Variants in TNS3 observed in about 807,000 individuals in gnomAD.
TNS3 encodes the protein tensin 3, also known as tensin-3.
A neutral mutation model predicts 140.9 loss-of-function variants in TNS3; 45 were observed. The observed-to-expected ratio is 0.32, with a 90% CI of 0.25 to 0.41. TNS3 has a LOEUF of 0.41. Among genes scored for constraint, TNS3 ranks in the 10% least tolerant of loss-of-function variants. The pLI is 1.00. For missense variants in TNS3, 1,716 were observed against 1,906.7 expected, an observed-to-expected ratio of 0.90 and a Z score of 1.86; for synonymous variants, 815 against 788.4, an observed-to-expected ratio of 1.03 and a Z score of -0.56.
At chr7:47,286,658 G>A (rs527848011) in intron 27 of TNS3, among the ~76,000 whole-genome samples, 8 of 152,144 alleles carry the variant, frequency 5.3e-5, no homozygotes, top group African/African-American at 1.7e-4. Flanking sequence ...CCACATGTGG[G>A]AATTTGTCCT....
At chr7:47,430,135 T>C (rs1042153446) in intron 8 of TNS3, among the ~76,000 whole-genome samples, 1 of 149,998 alleles carries the variant, frequency 6.7e-6, no homozygotes, top group African/African-American at 2.4e-5. Flanking sequence ...TCTTTTCTTT[T>C]TTTTTTTTTT....
intron 20 of TNS3, among the ~76,000 whole-genome samples, chr7:47,305,218 GTTTCCAAAAAT>G (rs1786677413): frequency 6.6e-6 from 1 of 152,196 alleles, no homozygotes; most frequent in Non-Finnish European, 1.5e-5. Context: ...ACCCATCACT[GTTTCCAAAAAT>G]AAAGCGACCT....
At chr7:47,356,262 G>C (rs1360095208) in intron 17 of TNS3, among the ~76,000 whole-genome samples, 2 of 152,128 alleles carry the variant, frequency 1.3e-5, no homozygotes, top group Non-Finnish European at 2.9e-5. Context: ...CCTAAAGCTC[G>C]GGCCTCACCT....
chr7:47,419,384 CA>C (rs1456942998), intron 10 of TNS3, among the ~76,000 whole-genome samples: 1 of 152,188 alleles, frequency 6.6e-6, no homozygotes, highest in African/African-American at 2.4e-5. Flanking sequence ...ATAGCCTTTG[CA>C]AAAATTTTAA....
At chr7:47,435,256 C>A (rs773832763) in intron 8 of TNS3, 26 bp downstream of exon 8, 3 of 1,612,630 alleles carry the variant, frequency 1.9e-6, no homozygotes, top group African/African-American at 2.7e-5. Context: ...AGCCAGACCC[C>A]CAAATGTGAG....
At chr7:47,404,825 G>C (rs565989600) in intron 13 of TNS3, among the ~76,000 whole-genome samples, 1 of 151,950 alleles carries the variant, frequency 6.6e-6, no homozygotes, top group African/African-American at 2.4e-5. Flanking sequence ...TGGAGCTTGC[G>C]GTGAGCCAAG....
At chr7:47,443,160 G>A (rs942329924) in intron 4 of TNS3, among the ~76,000 whole-genome samples, 5 of 152,026 alleles carry the variant, frequency 3.3e-5, no homozygotes, top group South Asian at 2.1e-4. Context: ...TGTTTTTCCC[G>A]GGAAAGCCCC....
chr7:47,339,724 A>G (rs951553140), intron 20 of TNS3, among the ~76,000 whole-genome samples: 3 of 152,138 alleles, frequency 2.0e-5, no homozygotes, highest in African/African-American at 4.8e-5. Context: ...CTACAAAAAA[A>G]TCTTGCTGAG....
chr7:47,402,134 G>C (rs1420745557), intron 13 of TNS3, among the ~76,000 whole-genome samples: 3 of 152,190 alleles, frequency 2.0e-5, no homozygotes, highest in Admixed American at 2.0e-4. Flanking sequence ...GGAACAAAAA[G>C]CCCAGAAACC....
chr7:47,482,972 C>T (rs1305710212), intron 3 of TNS3, among the ~76,000 whole-genome samples: 1 of 152,130 alleles, frequency 6.6e-6, no homozygotes, highest in Non-Finnish European at 1.5e-5. Flanking sequence ...TGAAGCTATT[C>T]TGCTTGACAC....
chr7:47,327,074 G>A (rs1420844123), intron 20 of TNS3, among the ~76,000 whole-genome samples: 1 of 152,200 alleles, frequency 6.6e-6, no homozygotes, highest in East Asian at 1.9e-4. Flanking sequence ...ATGCCCAGGA[G>A]GCCCACCCTG....
intron 3 of TNS3, among the ~76,000 whole-genome samples, chr7:47,487,510 G>T (rs147707890): frequency 6.6e-6 from 1 of 152,198 alleles, no homozygotes; most frequent in East Asian, 1.9e-4. Context: ...CTGGAGGGGA[G>T]AATCAGCTCA....
chr7:47,533,259 G>C (rs927197745), intron 1 of TNS3, among the ~76,000 whole-genome samples: 3 of 149,028 alleles, frequency 2.0e-5, no homozygotes, highest in Non-Finnish European at 3.0e-5. Context: ...AGCCTCCCAA[G>C]TAGCTGGGAT....
At chr7:47,350,176 C>T (rs1054209010) in intron 17 of TNS3, among the ~76,000 whole-genome samples, 1 of 152,204 alleles carries the variant, frequency 6.6e-6, no homozygotes, top group African/African-American at 2.4e-5. Flanking sequence ...CCCTGGGAGG[C>T]ACTGCCCACT....
At chr7:47,468,512 C>G (rs1026369668) in intron 4 of TNS3, among the ~76,000 whole-genome samples, 3 of 152,128 alleles carry the variant, frequency 2.0e-5, no homozygotes, top group Non-Finnish European at 2.9e-5. Context: ...ATTTCCCGAA[C>G]CAATCACATA....
At chr7:47,413,221 G>A (rs1793879215) in intron 12 of TNS3, among the ~76,000 whole-genome samples, 1 of 147,434 alleles carries the variant, frequency 6.8e-6, no homozygotes, top group Admixed American at 6.8e-5. Flanking sequence ...CAAAGTGCTG[G>A]GATTACAGGT....
chr7:47,302,952 G>A lies in TNS3; in HGVS notation c.3455C>T (p.Pro1152Leu), dbSNP rs1310499192. 6.3e-7 allele frequency: 1 copy of A among 1,598,568 alleles called. No homozygotes were observed. Among genetic ancestry groups the A allele is most frequent in the South Asian group, 1.1e-5 (1 of 88,792 alleles). The change falls in exon 22 of 31, where the codon CCA (proline) becomes CTA (leucine). Residue 1152 changes from proline (P) to leucine (L), a missense_variant and splice_region_variant. Physicochemically the swap from Pro to Leu is moderately conservative, Grantham distance 98. Transcript: ENST00000311160. ...CAACCAGCTGGAAACACACCTACCT[G>A]GCAGAGGTGAGGCCGCTTCTGAAGC... Reference protein sequence around the residue: ...SKASEAASPLPDSPGDKLVIV... With the variant: ...SKASEAASPLLDSPGDKLVIV...
At chr7:47,569,268 C>T (rs973763797) in intron 1 of TNS3, among the ~76,000 whole-genome samples, 5 of 152,204 alleles carry the variant, frequency 3.3e-5, no homozygotes, top group African/African-American at 4.8e-5. Context: ...AGGGTCCAGG[C>T]GCAGTGGCTC....
Position 47,282,984 on chromosome 7 carries a change from C to T in TNS3, c.4097+713G>A, listed in dbSNP as rs915478513. ...CCAGGCTGGTCTGAGTGTCCCCTGC[C>T]GGCCTGTCTGCTGTGATGGCTGCTG... On this transcript the variant is annotated intron_variant, in intron 28 of 30. Coordinates refer to ENST00000311160, the MANE Select transcript of TNS3 (RefSeq NM_022748.12). Among the ~76,000 whole-genome samples, 6 of 152,194 alleles carry T rather than the reference C, an allele frequency of 3.9e-5. No homozygotes were observed. The East Asian group carries it at 5.8e-4, about 15-fold the overall frequency.
Sources: gnomAD v4.1 joint callset for allele counts (sites outside exome capture counted in the v4.1 genomes callset) on GRCh38, gnomAD v4.1.1 for gene constraint, MANE v1.5 for transcripts, NCBI Gene and HGNC (gene_info 2026-07-23, HGNC 2026-07-21) for gene names.